The following ZNF385B variants were observed in gnomAD, a reference collection of about 807,000 sequenced individuals.
ZNF385B encodes zinc finger protein 533.
In ZNF385B, 23 loss-of-function variants were observed where a neutral mutation model predicts 39.2. That is an observed-to-expected ratio of 0.59 (90% CI 0.42 to 0.83). The LOEUF is 0.83. Ranked by LOEUF, ZNF385B falls within the 40% of genes least tolerant of loss-of-function variation. The pLI is 0.00. For missense variants in ZNF385B, 552 were observed against 598.9 expected (o/e 0.92, Z 0.82); for synonymous variants, 205 against 222.6 (o/e 0.92, Z 0.70).
intron 3 of ZNF385B, among the ~76,000 whole-genome samples, chr2:179,719,656 A>G (rs1426773137): frequency 1.3e-5 from 2 of 152,248 alleles, no homozygotes; most frequent in African/African-American, 4.8e-5. Flanking sequence ...GTTTACTAAG[A>G]AAGATAACAG....
chr2:179,698,369 T>TA (rs1409932618), intron 3 of ZNF385B, among the ~76,000 whole-genome samples: 3 of 152,200 alleles, frequency 2.0e-5, no homozygotes, highest in African/African-American at 7.2e-5. Flanking sequence ...AATTGGGTTT[T>TA]AAAATAACCA....
At chr2:179,583,393 T>A (rs1469886376) in intron 3 of ZNF385B, among the ~76,000 whole-genome samples, 3 of 152,046 alleles carry the variant, frequency 2.0e-5, no homozygotes, top group African/African-American at 4.8e-5. Context: ...ATATAGAGAG[T>A]TTGGAGAAGA....
chr2:179,492,232 A>G (rs1473699650), intron 5 of ZNF385B, among the ~76,000 whole-genome samples: 1 of 152,164 alleles, frequency 6.6e-6, no homozygotes, highest in East Asian at 1.9e-4. Flanking sequence ...CCAAGTTGCT[A>G]ATGTGTTTGA....
chr2:179,829,103 C>A (rs1707834184), intron 1 of ZNF385B, among the ~76,000 whole-genome samples: 1 of 151,942 alleles, frequency 6.6e-6, no homozygotes, highest in Middle Eastern at 3.4e-3. Flanking sequence ...AGGAATACAA[C>A]CAGCTCCAAA....
At chr2:179,471,991 G>A (rs533592221) in intron 6 of ZNF385B, among the ~76,000 whole-genome samples, 8 of 152,018 alleles carry the variant, frequency 5.3e-5, no homozygotes, top group African/African-American at 1.4e-4. Context: ...TCATTGATAC[G>A]AATGCTACAT....
At chr2:179,856,870 T>C in intron 1 of ZNF385B, among the ~76,000 whole-genome samples, 1 of 152,086 alleles carries the variant, frequency 6.6e-6, no homozygotes. Flanking sequence ...ACTTTCAAAA[T>C]AGAAAATAAT....
chr2:179,727,941 T>C (rs1042092845), intron 3 of ZNF385B, among the ~76,000 whole-genome samples: 1 of 152,102 alleles, frequency 6.6e-6, no homozygotes, highest in Non-Finnish European at 1.5e-5. Flanking sequence ...TGTTTAATAG[T>C]AAAATGCATG....
intron 6 of ZNF385B, among the ~76,000 whole-genome samples, chr2:179,474,358 TGCCATTACTTTTAA>T (rs1435695144): frequency 1.3e-5 from 2 of 152,178 alleles, no homozygotes; most frequent in Admixed American, 1.3e-4. Context: ...TTGAGGTTTT[TGCCATTACTTTTAA>T]TGGCAAAAAT....
intron 1 of ZNF385B, among the ~76,000 whole-genome samples, chr2:179,860,469 C>T (rs1684955209): frequency 6.6e-6 from 1 of 152,172 alleles, no homozygotes; most frequent in African/African-American, 2.4e-5. Context: ...CTCGTCCCTT[C>T]CGCAGTCCCA....
chr2:179,475,980 G>A (rs1161504199), intron 6 of ZNF385B, among the ~76,000 whole-genome samples: 6 of 130,574 alleles, frequency 4.6e-5, no homozygotes, highest in Admixed American at 1.8e-4. Context: ...TCATGCCACT[G>A]CACTCCAGCC....
intron 3 of ZNF385B, among the ~76,000 whole-genome samples, chr2:179,591,854 G>T (rs537693812): frequency 6.6e-6 from 1 of 152,188 alleles, no homozygotes; most frequent in Non-Finnish European, 1.5e-5. Context: ...TCCCTCCAGG[G>T]CCATTCTGTA....
chr2:179,733,399 C>T (rs1043790563), intron 3 of ZNF385B, among the ~76,000 whole-genome samples: 6 of 152,216 alleles, frequency 3.9e-5, no homozygotes, highest in African/African-American at 1.4e-4. Flanking sequence ...CATCACATTC[C>T]TTCCATTTCC....
At chr2:179,786,097 A>G (rs1167585725) in intron 1 of ZNF385B, among the ~76,000 whole-genome samples, 1 of 152,162 alleles carries the variant, frequency 6.6e-6, no homozygotes, top group Non-Finnish European at 1.5e-5. Flanking sequence ...CAGCAAAAAC[A>G]TTATGACTCA....
rs145250002 is a variant in ZNF385B, at chr2:179,672,555, T to C, written c.298+96948A>G. 3.0e-3 allele frequency among the ~76,000 whole-genome samples: 456 copies of C among 152,170 alleles called. 6 individuals are homozygous for C. The highest frequency in any genetic ancestry group is 0.011 in the Admixed American group (173 of 15,286). On this transcript the variant is annotated intron_variant, in intron 3 of 9. Coordinates refer to ENST00000410066, the MANE Select transcript of ZNF385B (RefSeq NM_152520.6). ...TCTGAATGTTTGTGTCCCTCCCAAATTTTATGTTGAAATCCTAACCCCCAA... is the reference window on the plus strand; with the variant it reads ...TCTGAATGTTTGTGTCCCTCCCAAACTTTATGTTGAAATCCTAACCCCCAA...
chr2:179,571,407 T>C (rs970941649), intron 3 of ZNF385B, among the ~76,000 whole-genome samples: 8 of 152,210 alleles, frequency 5.3e-5, no homozygotes, highest in African/African-American at 1.9e-4. Context: ...TAACCTCATG[T>C]ACTTTCACTA....
intron 3 of ZNF385B, among the ~76,000 whole-genome samples, chr2:179,588,087 CTT>C (rs1479182076): frequency 6.6e-6 from 1 of 152,002 alleles, no homozygotes; most frequent in Non-Finnish European, 1.5e-5. Flanking sequence ...GCCCTTCTCT[CTT>C]TTATTTTTTT....
chr2:179,759,324 G>T (rs955226798), intron 3 of ZNF385B, among the ~76,000 whole-genome samples: 3 of 152,230 alleles, frequency 2.0e-5, no homozygotes, highest in East Asian at 1.9e-4. Context: ...TGATGCAGAG[G>T]CTCCTAGTTA....
chr2:179,513,882 A>C (rs1171767558), intron 5 of ZNF385B, among the ~76,000 whole-genome samples: 1 of 152,190 alleles, frequency 6.6e-6, no homozygotes, highest in Non-Finnish European at 1.5e-5. Flanking sequence ...TTTAGAGGCA[A>C]GAGATCCAGA....
chr2:179,494,190 A>G (rs951226162), intron 5 of ZNF385B, among the ~76,000 whole-genome samples: 2 of 152,268 alleles, frequency 1.3e-5, no homozygotes, highest in Admixed American at 1.3e-4. Context: ...CCAGGTAGAT[A>G]TCTGGGAGAA....
Sources: gnomAD v4.1 joint callset for allele counts (sites outside exome capture counted in the v4.1 genomes callset) on GRCh38, gnomAD v4.1.1 for gene constraint, MANE v1.5 for transcripts, NCBI Gene and HGNC (gene_info 2026-07-23, HGNC 2026-07-21) for gene names.